The following ACER2 variants were observed in gnomAD, a reference collection of about 807,000 sequenced individuals.
ACER2 encodes the protein alkaline ceramidase 2.
Under a neutral mutation model 34.7 loss-of-function variants are expected in ACER2, and 26 were observed. That is an observed-to-expected ratio of 0.75 (90% CI 0.55 to 1.04). The LOEUF (loss-of-function observed/expected upper bound fraction) is 1.04, where lower values mean the gene tolerates loss of function less well. Ranked by LOEUF, ACER2 falls within the 50% of genes least tolerant of loss-of-function variation. The probability of loss-of-function intolerance (pLI) is 0.00; values close to 1 mark genes in which losing one functional copy is unlikely to be tolerated. For synonymous variants in ACER2, 138 were observed against 132.1 expected (o/e 1.04, Z -0.31); for missense variants, 352 against 340.8 (o/e 1.03, Z -0.26).
chr9:19,446,640 G>C (rs978563407), intron 5 of ACER2: 1 of 985,224 alleles, frequency 1.0e-6, no homozygotes, highest in African/African-American at 1.7e-5. Context: ...AGGCCTGATT[G>C]TCATGCTTAG....
rs1489796237 is a variant in ACER2 at position 19,423,970 on chromosome 9, G to T, written c.217G>T (p.Val73Leu). Residue 73 changes from valine to leucine, a missense_variant, in exon 2 of 6, where the codon GTA becomes TTA. Coordinates refer to ENST00000340967, the MANE Select transcript of ACER2 (RefSeq NM_001010887.3). ...CTACTTAATCTGGACTCTTTTGGTTGTAGTGGGTAAGTGGAGTCATTTGGG... is the reference window on the plus strand; with the variant it reads ...CTACTTAATCTGGACTCTTTTGGTTTTAGTGGGTAAGTGGAGTCATTTGGG... ...GIYLIWTLLV[V>L]VGIGSVYFHA... The T allele has an allele frequency of 6.2e-7, 1 of 1,612,052 alleles. No individual in the cohort carries two copies. Among genetic ancestry groups the T allele is most frequent in the Admixed American group, 1.7e-5 (1 of 59,992 alleles).
chr9:19,428,085 C>G (rs571702765), intron 3 of ACER2, among the ~76,000 whole-genome samples: 10 of 118,102 alleles, frequency 8.5e-5, no homozygotes, highest in Non-Finnish European at 1.6e-4. Context: ...TTCCTTCTCT[C>G]TCTCTCTCTC....
rs543885005 is a variant in ACER2, at chr9:19,440,036, A to G, written c.503+4952A>G. ...CTCATTTACTCTTCAACTCTTGCCA[A>G]TCTGGTTTCTGCCCCTACTTTGTTA... On this transcript the variant is annotated intron_variant, in intron 4 of 5. Transcript: ENST00000340967. Among the ~76,000 whole-genome samples the G allele has an allele frequency of 1.2e-4, 18 of 151,828 alleles. No individual in the cohort carries two copies. The South Asian group carries it at 3.7e-3, about 32-fold the overall frequency.
At chr9:19,443,093 C>T (rs796083302) in intron 4 of ACER2, among the ~76,000 whole-genome samples, 32 of 152,258 alleles carry the variant, frequency 2.1e-4, no homozygotes, top group African/African-American at 5.1e-4. Flanking sequence ...TGCAGTGGCG[C>T]GATCTCGGCT....
At chr9:19,419,737 T>G (rs1304152472) in intron 1 of ACER2, among the ~76,000 whole-genome samples, 1 of 152,160 alleles carries the variant, frequency 6.6e-6, no homozygotes, top group Non-Finnish European at 1.5e-5. Flanking sequence ...CACTCCAGCC[T>G]GGACTAGTGA....
At chr9:19,450,046 T>C (rs1012460472) in intron 5 of ACER2, among the ~76,000 whole-genome samples, 12 of 152,212 alleles carry the variant, frequency 7.9e-5, no homozygotes, top group Admixed American at 2.0e-4. Flanking sequence ...CATAAAATTA[T>C]TCCTGATGAA....
chr9:19,421,875 A>C (rs1290316879), intron 1 of ACER2, among the ~76,000 whole-genome samples: 1 of 152,198 alleles, frequency 6.6e-6, no homozygotes, highest in Non-Finnish European at 1.5e-5. Flanking sequence ...CCAATATGAC[A>C]GTCACTGGCC....
At chr9:19,410,319 C>T (rs1242842313) in intron 1 of ACER2, among the ~76,000 whole-genome samples, 1 of 152,184 alleles carries the variant, frequency 6.6e-6, no homozygotes. Flanking sequence ...GGCCACAATC[C>T]AGAAGTCTGG....
At chr9:19,432,706 A>T (rs943150692) in intron 3 of ACER2, among the ~76,000 whole-genome samples, 25 of 148,054 alleles carry the variant, frequency 1.7e-4, no homozygotes, top group African/African-American at 6.1e-4. Flanking sequence ...ATAGTTATAT[A>T]TAAAATATAT....
At chr9:19,418,580 A>G (rs1830308032) in intron 1 of ACER2, among the ~76,000 whole-genome samples, 1 of 152,188 alleles carries the variant, frequency 6.6e-6, no homozygotes. Flanking sequence ...CATTATTCTC[A>G]GCAAACTAAC....
At chr9:19,409,996 C>G in intron 1 of ACER2, 1 of 940,574 alleles carries the variant, frequency 1.1e-6, no homozygotes, top group Non-Finnish European at 1.3e-6. Flanking sequence ...GGAAATGCCT[C>G]TTATTTTGTG....
intron 1 of ACER2, among the ~76,000 whole-genome samples, chr9:19,412,540 C>T (rs187258632): frequency 4.6e-5 from 7 of 151,602 alleles, no homozygotes; most frequent in African/African-American, 1.2e-4. Context: ...TGTAAGTCCC[C>T]GCTACTCAGG....
chr9:19,442,907 A>G (rs540969222), intron 4 of ACER2, among the ~76,000 whole-genome samples: 3 of 151,230 alleles, frequency 2.0e-5, no homozygotes, highest in African/African-American at 7.3e-5. Flanking sequence ...ATCTCGGCTC[A>G]CTGCAACCTC....
Position 19,409,137 on chromosome 9 carries a change from A to T in ACER2, c.53A>T (p.Asp18Val). ...CTGCAGGCTGGTAGCTCGGAGGTGG[A>T]CTGGTGCGAGGACAACTACACCATC... Reference protein sequence around the residue: ...DQLQAGSSEVDWCEDNYTIVP... With the variant: ...DQLQAGSSEVVWCEDNYTIVP... Residue 18 changes from aspartate to valine, a missense_variant, in exon 1 of 6, where the codon GAC becomes GTC. Coordinates refer to ENST00000340967, the MANE Select transcript of ACER2 (RefSeq NM_001010887.3). The T allele has an allele frequency of 6.2e-7, 1 of 1,607,152 alleles. No homozygotes were observed. Among genetic ancestry groups the T allele is most frequent in the Non-Finnish European group, 8.5e-7 (1 of 1,177,350 alleles).
chr9:19,414,391 CAT>C (rs1225315672), intron 1 of ACER2, among the ~76,000 whole-genome samples: 1 of 152,198 alleles, frequency 6.6e-6, no homozygotes, highest in Non-Finnish European at 1.5e-5. Flanking sequence ...CATTCAGATG[CAT>C]CAGGATGAGA....
intron 4 of ACER2, among the ~76,000 whole-genome samples, chr9:19,435,745 T>A (rs1342455773): frequency 1.5e-5 from 2 of 129,442 alleles, no homozygotes; most frequent in Non-Finnish European, 1.7e-5. Flanking sequence ...GAGTGAGACT[T>A]GTCTCAAAAA....
At chr9:19,426,268 TTCTTTC>T (rs373675872) in intron 3 of ACER2, among the ~76,000 whole-genome samples, 57 of 151,630 alleles carry the variant, frequency 3.8e-4, no homozygotes, top group African/African-American at 1.2e-3. Context: ...ATCTCTTTCT[TTCTTTC>T]TCTTTCTTTC....
chr9:19,435,181 T>C (rs928147014), intron 4 of ACER2, 97 bp downstream of exon 4: 9 of 1,442,088 alleles, frequency 6.2e-6, no homozygotes, highest in African/African-American at 1.4e-5. Flanking sequence ...AGAGGAGTTT[T>C]ATTCCTTGTG....
intron 4 of ACER2, among the ~76,000 whole-genome samples, chr9:19,444,817 T>A (rs564374209): frequency 8.5e-5 from 13 of 152,340 alleles, no homozygotes; most frequent in African/African-American, 3.1e-4. Flanking sequence ...TTTTAGTAAC[T>A]GGGAATGTAA....
Sources: allele counts gnomAD v4.1 joint callset (sites outside exome capture counted in the v4.1 genomes callset), GRCh38; gene constraint gnomAD v4.1.1; transcripts MANE v1.5; gene names NCBI Gene and HGNC (gene_info 2026-07-23, HGNC 2026-07-21).